Variants in MAPK14 observed in about 807,000 individuals in gnomAD.
MAPK14 encodes CSAID-binding protein.
Under a neutral mutation model 49.6 loss-of-function variants are expected in MAPK14, and 16 were observed. The ratio of observed to expected loss-of-function variants is 0.32; its 90% CI spans 0.22 to 0.49. The LOEUF is 0.49. Ranked by LOEUF, MAPK14 falls within the 20% of genes least tolerant of loss-of-function variation. MAPK14 has a pLI of 0.99. For synonymous variants in MAPK14, 142 were observed against 158.0 expected (o/e 0.90, Z 0.76); for missense variants, 200 against 441.2 (o/e 0.45, Z 4.90).
intron 2 of MAPK14, among the ~76,000 whole-genome samples, chr6:36,054,745 C>T (rs937125364): frequency 1.6e-4 from 24 of 152,262 alleles, no homozygotes; most frequent in Admixed American, 9.2e-4. Flanking sequence ...CCAAAACTTC[C>T]GGTAAGTTTA....
intron 8 of MAPK14, among the ~76,000 whole-genome samples, chr6:36,088,743 G>C (rs1015905898): frequency 6.6e-6 from 1 of 151,472 alleles, no homozygotes; most frequent in Non-Finnish European, 1.5e-5. Context: ...AAAAATATTG[G>C]CAAAGGACAT....
At chr6:36,054,696 G>T (rs539745169) in intron 2 of MAPK14, among the ~76,000 whole-genome samples, 2 of 152,290 alleles carry the variant, frequency 1.3e-5, no homozygotes, top group Admixed American at 6.5e-5. Flanking sequence ...ACATTTGTTA[G>T]GTGCTTATAA....
chr6:36,083,548 A>G (rs372725314), intron 8 of MAPK14, among the ~76,000 whole-genome samples: 1 of 152,202 alleles, frequency 6.6e-6, no homozygotes, highest in Admixed American at 6.5e-5. Flanking sequence ...ACCCAGAAGG[A>G]ATTCCCTACA....
At chr6:36,116,874 GT>G in the MAPK14 span, among the ~76,000 whole-genome samples, 1 of 152,110 alleles carries the variant, frequency 6.6e-6, no homozygotes, top group Non-Finnish European at 1.5e-5. Flanking sequence ...TTCTATACAA[GT>G]AATGTCTCTT....
intron 1 of MAPK14, among the ~76,000 whole-genome samples, chr6:36,048,232 C>T (rs1228969659): frequency 7.3e-5 from 11 of 150,266 alleles, no homozygotes; most frequent in African/African-American, 1.5e-4. Flanking sequence ...TTAGTAGAGA[C>T]GGGTTTCACC....
At position 36,061,930 on chromosome 6, in the gene MAPK14, T is replaced by A. The variant is rs996080214; in HGVS notation, c.305+2583T>A. On this transcript the variant is annotated intron_variant, in intron 3 of 11. Coordinates refer to ENST00000229794, the MANE Select transcript of MAPK14 (RefSeq NM_139012.3). ...CCATTGTTTACTTTTTATTGTGATG[T>A]TCATATCACTGAAAAAATCACTGTA... Among the ~76,000 whole-genome samples the A allele has an allele frequency of 2.6e-5, 4 of 152,364 alleles. No individual in the cohort carries two copies. In the South Asian group the frequency reaches 6.2e-4, roughly 24 times the overall value.
At chr6:36,100,294 T>C in intron 9 of MAPK14, 1 of 1,527,062 alleles carries the variant, frequency 6.5e-7, no homozygotes, top group South Asian at 1.1e-5. Context: ...TGTACAGGGA[T>C]GTCGCACTGA....
rs374909886 is a variant in MAPK14, at chr6:36,057,681, G to C, written c.247-1608G>C. 1.0e-3 allele frequency among the ~76,000 whole-genome samples: 153 copies of C among 151,996 alleles called. 1 individual carries two copies. The highest frequency in any genetic ancestry group is 3.5e-3 in the African/African-American group (147 of 41,458). On this transcript the variant is annotated intron_variant, in intron 2 of 11. Coordinates refer to ENST00000229794, the MANE Select transcript of MAPK14 (RefSeq NM_139012.3). ...TTGCAGTGAGCTGAGATTGTGCCAT[G>C]CACTCCAGCCTGGGCAACAGGAGCG... is the stretch of plus-strand genomic sequence containing the variant.
the MAPK14 span, among the ~76,000 whole-genome samples, chr6:36,118,682 A>G: frequency 6.6e-6 from 1 of 152,238 alleles, no homozygotes; most frequent in Admixed American, 6.5e-5. Flanking sequence ...CTCAAGTATG[A>G]CAGAGCTGAT....
At chr6:36,035,193 G>A (rs1057230194) in intron 1 of MAPK14, among the ~76,000 whole-genome samples, 7 of 151,850 alleles carry the variant, frequency 4.6e-5, no homozygotes, top group South Asian at 2.1e-4. Context: ...CACCATGCCC[G>A]GCAGTTCTGC....
chr6:36,123,635 T>A, the MAPK14 span, among the ~76,000 whole-genome samples: 1 of 152,210 alleles, frequency 6.6e-6, no homozygotes, highest in Non-Finnish European at 1.5e-5. Flanking sequence ...CCAGGCACAG[T>A]GCCAGGGGGC....
intron 8 of MAPK14, among the ~76,000 whole-genome samples, chr6:36,089,277 A>G (rs570575187): frequency 1.3e-5 from 2 of 152,244 alleles, no homozygotes; most frequent in South Asian, 2.1e-4. Context: ...GCTTGAAGCC[A>G]TTTTCCTCAG....
rs926351278 is a variant in MAPK14 at position 36,028,880 on chromosome 6, C to G, written c.116+607C>G. Among the ~76,000 whole-genome samples, 2 of 145,044 alleles carry G rather than the reference C, an allele frequency of 1.4e-5. No individual in the cohort carries two copies. The highest frequency in any genetic ancestry group is 5.1e-5 in the African/African-American group (2 of 39,462). ...AATTCGCACTTGAATTAACAGCGAT[C>G]CATAGAGCTTAAAATACCGACTTTA... On this transcript the variant is annotated intron_variant, in intron 1 of 11. Transcript: ENST00000229794. The surrounding 1 kb of genome is among the most constrained non-coding windows in gnomAD (Gnocchi z 5.1).
At chr6:36,096,101 G>A (rs771107767) in intron 9 of MAPK14, 35 bp downstream of exon 9, 1 of 1,467,718 alleles carries the variant, frequency 6.8e-7, no homozygotes, top group South Asian at 1.1e-5. Context: ...TGCCCTGTTG[G>A]GAGCCTCTGC....
At chr6:36,094,867 G>T (rs1414211998) in intron 8 of MAPK14, among the ~76,000 whole-genome samples, 2 of 151,996 alleles carry the variant, frequency 1.3e-5, no homozygotes, top group Non-Finnish European at 2.9e-5. Flanking sequence ...TGGGGGGTGG[G>T]GTGTTATGTA....
intron 3 of MAPK14, among the ~76,000 whole-genome samples, chr6:36,063,633 ATTTTTGCTATGTTT>A (rs1763919415): frequency 6.6e-6 from 1 of 152,122 alleles, no homozygotes; most frequent in African/African-American, 2.4e-5. Context: ...ACTACTTCAG[ATTTTTGCTATGTTT>A]TAAATTTTAA....
intron 1 of MAPK14, among the ~76,000 whole-genome samples, chr6:36,034,985 G>A (rs1171936477): frequency 1.4e-5 from 2 of 143,916 alleles, no homozygotes; most frequent in Non-Finnish European, 3.0e-5. Flanking sequence ...TGCAACCTCC[G>A]CCTTCCGGTT....
chr6:36,073,642 T>C (rs1368900145), intron 4 of MAPK14, 49 bp from the exon 5 acceptor site: 17 of 1,449,062 alleles, frequency 1.2e-5, no homozygotes, highest in Non-Finnish European at 1.6e-5. Context: ...TGTTATATAA[T>C]ATGACAATAG....
At chr6:36,114,482 G>T (rs1745980901), downstream of MAPK14, among the ~76,000 whole-genome samples, 1 of 152,082 alleles carries the variant, frequency 6.6e-6, no homozygotes, top group Non-Finnish European at 1.5e-5. Context: ...GCCGGGCTTG[G>T]TGGTGGGCAC....
Sources: gnomAD v4.1 joint callset for allele counts (sites outside exome capture counted in the v4.1 genomes callset) on GRCh38, gnomAD v4.1.1 for gene constraint, Gnocchi (gnomAD v3.1) non-coding constraint, MANE v1.5 for transcripts, NCBI Gene and HGNC (gene_info 2026-07-23, HGNC 2026-07-21) for gene names.